SERPINI1: variants seen among roughly 807,000 people sequenced by gnomAD.
The protein encoded by SERPINI1 is neuroserpin.
In SERPINI1, 19 loss-of-function variants were observed where a neutral mutation model predicts 41.1. The observed-to-expected ratio is 0.46, with a 90% CI of 0.32 to 0.68. The LOEUF is 0.68. Among genes scored for constraint, SERPINI1 ranks in the 30% least tolerant of loss-of-function variants. SERPINI1 has a pLI of 0.03. For missense variants in SERPINI1, 460 were observed against 479.2 expected (o/e 0.96, Z 0.37); for synonymous variants, 138 against 156.6 (o/e 0.88, Z 0.89).
At chr3:167,824,619 T>A (rs1345381019) in intron 8 of SERPINI1, 57 bp downstream of exon 8, 2 of 1,123,842 alleles carry the variant, frequency 1.8e-6, no homozygotes, top group African/African-American at 3.1e-5. Flanking sequence ...ACCTCTTTTT[T>A]AAATGGAGAT....
At chr3:167,738,317 A>G (rs922234281) in intron 1 of SERPINI1, among the ~76,000 whole-genome samples, 1 of 152,178 alleles carries the variant, frequency 6.6e-6, no homozygotes, top group Non-Finnish European at 1.5e-5. Flanking sequence ...GTTAATTTCA[A>G]ATTACCATAT....
chr3:167,742,818 TTGTGTGTGTGTGTG>T (rs10576293), intron 1 of SERPINI1, among the ~76,000 whole-genome samples: 11,847 of 145,068 alleles, frequency 0.082, 592 homozygotes, highest in Non-Finnish European at 0.12. Flanking sequence ...TTGTGCCGTT[TTGTGTGTGTGTGTG>T]TGTGTGTGTG....
chr3:167,758,764 G>A (rs764153800), intron 1 of SERPINI1, among the ~76,000 whole-genome samples: 1 of 152,084 alleles, frequency 6.6e-6, no homozygotes, highest in Non-Finnish European at 1.5e-5. Flanking sequence ...CAATAACATT[G>A]TATCAGTGTT....
At chr3:167,774,816 G>C (rs1296174887) in intron 1 of SERPINI1, among the ~76,000 whole-genome samples, 1 of 152,026 alleles carries the variant, frequency 6.6e-6, no homozygotes, top group African/African-American at 2.4e-5. Context: ...CACGAAACCT[G>C]TCCCTGGTGC....
chr3:167,752,764 T>C (rs1236411504), intron 1 of SERPINI1, among the ~76,000 whole-genome samples: 2 of 152,084 alleles, frequency 1.3e-5, no homozygotes, highest in Admixed American at 1.3e-4. Context: ...TTGTTCATTG[T>C]ATTATTTCAG....
intron 6 of SERPINI1, among the ~76,000 whole-genome samples, chr3:167,818,826 CT>C (rs1455698086): frequency 2.0e-5 from 3 of 152,192 alleles, no homozygotes; most frequent in Non-Finnish European, 4.4e-5. Context: ...AAAGTGCCTA[CT>C]GCAGCCAGCT....
rs1263177739 is a variant in SERPINI1, at chr3:167,825,384, T to C, written c.*61T>C. On this transcript the variant is annotated 3_prime_UTR_variant, in exon 9 of 9. Coordinates refer to ENST00000446050, the MANE Select transcript of SERPINI1 (RefSeq NM_001122752.2). ...AAGCACATTATGTTTGCAACTGGTA[T>C]ATATTTAGGATTTGTGTTTTACAGT... 9.8e-7 allele frequency: 1 copy of C among 1,017,088 alleles called. No individual in the cohort carries two copies. The highest frequency in any genetic ancestry group is 1.6e-6 in the Non-Finnish European group (1 of 635,314). The allele number at this position is 1,017,088 out of a possible 1,614,324, so 63.0% of individuals were successfully genotyped here. A position where few individuals can be genotyped will look rare whatever the true frequency, so the allele number is the denominator to read the frequency against.
At chr3:167,748,790 GTGT>G (rs1400640416) in intron 1 of SERPINI1, among the ~76,000 whole-genome samples, 1 of 140,962 alleles carries the variant, frequency 7.1e-6, no homozygotes, top group African/African-American at 2.7e-5. Flanking sequence ...GTGTGTGTGT[GTGT>G]TAACTGTATC....
intron 1 of SERPINI1, among the ~76,000 whole-genome samples, chr3:167,769,815 T>C (rs1038055617): frequency 6.6e-6 from 1 of 152,156 alleles, no homozygotes; most frequent in Non-Finnish European, 1.5e-5. Flanking sequence ...AAGCCATTTG[T>C]AATATCTTTT....
chr3:167,757,737 G>C (rs1000509917), intron 1 of SERPINI1, among the ~76,000 whole-genome samples: 4 of 152,000 alleles, frequency 2.6e-5, no homozygotes, highest in Admixed American at 2.6e-4. Flanking sequence ...TGACTAACAT[G>C]GCAAAATCCC....
intron 6 of SERPINI1, among the ~76,000 whole-genome samples, chr3:167,807,903 G>A (rs1413399648): frequency 6.6e-6 from 1 of 151,946 alleles, no homozygotes; most frequent in Non-Finnish European, 1.5e-5. Flanking sequence ...GATCACCTGA[G>A]GTCAGGAGTT....
intron 5 of SERPINI1, chr3:167,800,245 T>C (rs1221207751): frequency 2.7e-5 from 4 of 150,658 alleles, no homozygotes. Context: ...GTAGCAAAAA[T>C]AGTTTGTTTC....
chr3:167,816,985 A>G (rs1712115548), intron 6 of SERPINI1, among the ~76,000 whole-genome samples: 1 of 152,080 alleles, frequency 6.6e-6, no homozygotes, highest in African/African-American at 2.4e-5. Context: ...AGGTCCTTAT[A>G]GTTTATACTG....
chr3:167,739,768 T>C (rs967694881), intron 1 of SERPINI1, among the ~76,000 whole-genome samples: 2 of 152,180 alleles, frequency 1.3e-5, no homozygotes, highest in African/African-American at 4.8e-5. Flanking sequence ...TTTAAGCATG[T>C]GTGGAGTTGG....
At chr3:167,800,725 A>G (rs542400801) in intron 5 of SERPINI1, among the ~76,000 whole-genome samples, 4 of 152,204 alleles carry the variant, frequency 2.6e-5, no homozygotes, top group Non-Finnish European at 5.9e-5. Flanking sequence ...ATAATTGCCT[A>G]TTAATAAAGC....
chr3:167,757,651 G>A (rs1341385099), intron 1 of SERPINI1, among the ~76,000 whole-genome samples: 2 of 152,116 alleles, frequency 1.3e-5, no homozygotes, highest in Non-Finnish European at 2.9e-5. Context: ...GGGTGTGGTG[G>A]CTCATGCCTA....
rs1297451655 is a variant in SERPINI1 at position 167,815,827 on chromosome 3, C to A, written c.980-7159C>A. Among the ~76,000 whole-genome samples, 3 of 152,122 alleles carry A rather than the reference C, an allele frequency of 2.0e-5. No homozygotes were observed. The East Asian group carries it at 5.8e-4, about 29-fold the overall frequency. On this transcript the variant is annotated intron_variant, in intron 6 of 8. Coordinates refer to ENST00000446050, the MANE Select transcript of SERPINI1 (RefSeq NM_001122752.2). Reference sequence around the variant, plus strand: ...AGCAGTTAATCATGATATGGGAATCCAAACGTTGCATTCAATCTTTGCTGT... The same window carrying A: ...AGCAGTTAATCATGATATGGGAATCAAAACGTTGCATTCAATCTTTGCTGT...
At chr3:167,813,150 T>C (rs1451895750) in intron 6 of SERPINI1, among the ~76,000 whole-genome samples, 4 of 152,208 alleles carry the variant, frequency 2.6e-5, no homozygotes, top group Non-Finnish European at 4.4e-5. Flanking sequence ...GTTTGTTCTC[T>C]TTCTTCTTGC....
intron 6 of SERPINI1, among the ~76,000 whole-genome samples, chr3:167,822,197 G>A (rs781715023): frequency 1.3e-4 from 20 of 152,112 alleles, no homozygotes; most frequent in Non-Finnish European, 2.6e-4. Flanking sequence ...CTCCTTATAA[G>A]AACGCTAGTC....
Sources: allele counts gnomAD v4.1 joint callset (sites outside exome capture counted in the v4.1 genomes callset), GRCh38; gene constraint gnomAD v4.1.1; transcripts MANE v1.5; gene names NCBI Gene and HGNC (gene_info 2026-07-23, HGNC 2026-07-21).